The following CANX variants were observed in gnomAD, a reference collection of about 807,000 sequenced individuals.
The protein encoded by CANX is calnexin.
A neutral mutation model predicts 75.7 loss-of-function variants in CANX; 14 were observed. The observed-to-expected ratio is 0.19, with a 90% CI of 0.12 to 0.29. The LOEUF is 0.29. Among genes scored for constraint, CANX ranks in the 10% least tolerant of loss-of-function variants. The pLI is 1.00. For synonymous variants in CANX, 227 were observed against 236.9 expected, an observed-to-expected ratio of 0.96 and a Z score of 0.38; for missense variants, 567 against 713.2, an observed-to-expected ratio of 0.79 and a Z score of 2.34.
intron 1 of CANX, among the ~76,000 whole-genome samples, chr5:179,689,492 A>T (rs1342092409): frequency 7.0e-6 from 1 of 143,404 alleles, no homozygotes; most frequent in Non-Finnish European, 1.5e-5. Flanking sequence ...GGTTCAAGCG[A>T]TTCTCCTGTC....
chr5:179,718,589 C>T (rs959052698), intron 8 of CANX, among the ~76,000 whole-genome samples: 3 of 151,300 alleles, frequency 2.0e-5, no homozygotes, highest in South Asian at 2.1e-4. Flanking sequence ...AGTGTAGTGG[C>T]GTGATCTTGG....
intron 1 of CANX, among the ~76,000 whole-genome samples, chr5:179,684,244 T>G (rs1347776304): frequency 6.6e-6 from 1 of 152,118 alleles, no homozygotes; most frequent in East Asian, 1.9e-4. Flanking sequence ...ATTCGCTTAA[T>G]TAAAGGTGGT....
chr5:179,705,919 G>C (rs1233526719), intron 2 of CANX, 67 bp downstream of exon 2: 1 of 1,394,350 alleles, frequency 7.2e-7, no homozygotes, highest in Non-Finnish European at 1.0e-6. Context: ...AGATACCCGG[G>C]TGCAGGGAAA....
At chr5:179,705,405 G>A (rs1777059256) in intron 1 of CANX, among the ~76,000 whole-genome samples, 2 of 152,214 alleles carry the variant, frequency 1.3e-5, no homozygotes, top group African/African-American at 4.8e-5. Context: ...GTATTTGAAT[G>A]CCCCACATCT....
intron 1 of CANX, 117 bp downstream of exon 1, chr5:179,699,219 G>A: frequency 1.7e-6 from 1 of 575,190 alleles, no homozygotes; most frequent in Non-Finnish European, 2.2e-6. Flanking sequence ...GCTGGCTCTT[G>A]AGGGCCCAGG....
chr5:179,698,837 G>T, upstream of CANX: 1 of 861,654 alleles, frequency 1.2e-6, no homozygotes, highest in Non-Finnish European at 1.5e-6. Context: ...TGCGTAGAGC[G>T]ATGCCCACGC....
At chr5:179,708,912 A>G (rs1777334557) in intron 5 of CANX, 66 bp from the exon 6 acceptor site, 8 of 821,022 alleles carry the variant, frequency 9.7e-6, no homozygotes, top group Non-Finnish European at 1.7e-5. Context: ...GAGAGAGGAA[A>G]TACATTAAGA....
intron 1 of CANX, among the ~76,000 whole-genome samples, chr5:179,701,645 A>G (rs1361687438): frequency 6.6e-6 from 1 of 151,850 alleles, no homozygotes; most frequent in Non-Finnish European, 1.5e-5. Flanking sequence ...AGGAAATAAT[A>G]AAAGTACCTA....
intron 8 of CANX, among the ~76,000 whole-genome samples, chr5:179,717,596 A>AT (rs1383973328): frequency 2.0e-5 from 3 of 152,084 alleles, no homozygotes; most frequent in Non-Finnish European, 4.4e-5. Flanking sequence ...ATAATGCCAC[A>AT]TTTTATTTAT....
chr5:179,714,271 G>A (rs1777774491), intron 7 of CANX, among the ~76,000 whole-genome samples: 1 of 152,184 alleles, frequency 6.6e-6, no homozygotes, highest in Non-Finnish European at 1.5e-5. Context: ...AGAGTGCTGG[G>A]ATTATAGGCA....
At chr5:179,722,330 T>A (rs994112631) in intron 10 of CANX, among the ~76,000 whole-genome samples, 23 of 152,254 alleles carry the variant, frequency 1.5e-4, no homozygotes, top group Admixed American at 1.3e-3. Context: ...TTTAGGTGGA[T>A]TGTCACTTTT....
chr5:179,687,393 G>A (rs919937600), intron 1 of CANX, among the ~76,000 whole-genome samples: 1 of 152,092 alleles, frequency 6.6e-6, no homozygotes, highest in Non-Finnish European at 1.5e-5. Flanking sequence ...GTGAGCCACC[G>A]CGCCCGGCCT....
chr5:179,690,959 A>G (rs1231264072), intron 1 of CANX, among the ~76,000 whole-genome samples: 2 of 152,138 alleles, frequency 1.3e-5, no homozygotes, highest in Non-Finnish European at 2.9e-5. Context: ...AATTATAAAC[A>G]TGGTTTTATA....
At chr5:179,682,224 C>A (rs1286551815) in intron 1 of CANX, among the ~76,000 whole-genome samples, 7 of 149,540 alleles carry the variant, frequency 4.7e-5, no homozygotes, top group African/African-American at 1.5e-4. Flanking sequence ...TGCACTCCAA[C>A]CTGGGCAACA....
chr5:179,725,403 C>G (rs1355763630), intron 13 of CANX, among the ~76,000 whole-genome samples: 1 of 151,948 alleles, frequency 6.6e-6, no homozygotes, highest in African/African-American at 2.4e-5. Context: ...AATTGTTGGC[C>G]AGGTGCGGTG....
chr5:179,706,209 C>A, intron 2 of CANX, 49 bp from the exon 3 acceptor site: 1 of 1,006,258 alleles, frequency 9.9e-7, no homozygotes, highest in Non-Finnish European at 1.5e-6. Context: ...GATAAAAAGG[C>A]ATGTTGCTGA....
chr5:179,713,575 GT>G, intron 7 of CANX, among the ~76,000 whole-genome samples: 1 of 152,102 alleles, frequency 6.6e-6, no homozygotes, highest in Admixed American at 6.6e-5. Context: ...AATTTATGGT[GT>G]ATTTCAGAAG....
rs977124208 is a variant in CANX at position 179,725,215 on chromosome 5, ATTTAT to A, written c.1645+435_1645+439del. Among the ~76,000 whole-genome samples, 6 of 151,844 alleles carry A rather than the reference ATTTAT, an allele frequency of 4.0e-5. No individual in the cohort carries two copies. In the East Asian group the frequency reaches 7.8e-4, roughly 20 times the overall value. The stretch of plus-strand genomic sequence containing the variant: ...TGTTTGTTTGTTTGTTTGTTTATTG[ATTTAT>A]TTATTTGATATGGTCTGGCCCTGTT... On this transcript the variant is annotated intron_variant, in intron 13 of 14. Transcript: ENST00000247461.
chr5:179,679,175 G>C, intron 1 of CANX: 1 of 1,535,184 alleles, frequency 6.5e-7, no homozygotes, highest in South Asian at 1.2e-5. Context: ...GGTGCTCGAA[G>C]GGGAGCCTCG....
Sources: gnomAD v4.1 joint callset for allele counts (sites outside exome capture counted in the v4.1 genomes callset) on GRCh38, gnomAD v4.1.1 for gene constraint, MANE v1.5 for transcripts, NCBI Gene and HGNC (gene_info 2026-07-23, HGNC 2026-07-21) for gene names.